DPYD: variants seen among roughly 807,000 people sequenced by gnomAD.
The protein encoded by DPYD is dihydropyrimidine dehydrogenase, also known as dihydropyrimidine dehydrogenase [NADP(+)].
Under a neutral mutation model 116.2 loss-of-function variants are expected in DPYD, and 109 were observed. The ratio of observed to expected loss-of-function variants is 0.94; its 90% CI spans 0.80 to 1.10. DPYD has a LOEUF of 1.10. Ranked by LOEUF, DPYD falls within the 50% of genes least tolerant of loss-of-function variation. DPYD has a pLI of 0.00. For missense variants in DPYD, 1,302 were observed against 1,254.5 expected (o/e 1.04, Z -0.57); for synonymous variants, 440 against 432.0 (o/e 1.02, Z -0.23).
intron 20 of DPYD, among the ~76,000 whole-genome samples, chr1:97,116,206 C>A (rs61788541): frequency 6.6e-6 from 1 of 151,804 alleles, no homozygotes; most frequent in African/African-American, 2.4e-5. Context: ...TAACTTAAAC[C>A]AATGTTTGCT....
Position 97,305,244 on chromosome 1 carries a change from G to A in DPYD, c.2299+15C>T, listed in dbSNP as rs768939406. On this transcript the variant is annotated intron_variant, in intron 18 of 22. Transcript: ENST00000370192. ...CCTCCAAGAAAGCACAATGCAAGAAGTGGGCAACACCTACCAGACACTCCT... is the reference window on the plus strand; with the variant it reads ...CCTCCAAGAAAGCACAATGCAAGAAATGGGCAACACCTACCAGACACTCCT... 1.2e-5 allele frequency: 20 copies of A among 1,611,986 alleles called. No individual in the cohort carries two copies. The South Asian group carries it at 2.1e-4, about 17-fold the overall frequency.
chr1:97,081,151 A>T (rs1038683049), intron 22 of DPYD, among the ~76,000 whole-genome samples: 1 of 151,880 alleles, frequency 6.6e-6, no homozygotes, highest in Non-Finnish European at 1.5e-5. Context: ...TTTTTTTTTA[A>T]ATTAAAATAT....
intron 12 of DPYD, among the ~76,000 whole-genome samples, chr1:97,530,151 T>C (rs542623630): frequency 1.3e-5 from 2 of 151,976 alleles, no homozygotes; most frequent in Admixed American, 6.5e-5. Context: ...CAGTACAATT[T>C]CTTTCTTTTT....
intron 13 of DPYD, among the ~76,000 whole-genome samples, chr1:97,474,016 T>TA (rs35210810): frequency 0.61 from 80,917 of 131,812 alleles, 24,685 homozygotes; most frequent in East Asian, 0.76. Context: ...AAACTGTCTT[T>TA]AAAAAAAAAA....
chr1:97,823,917 A>G (rs1228826096), intron 3 of DPYD, among the ~76,000 whole-genome samples: 1 of 150,730 alleles, frequency 6.6e-6, no homozygotes, highest in Non-Finnish European at 1.5e-5. Flanking sequence ...ACAAGTAAAC[A>G]AACAAACAAA....
At chr1:97,098,759 C>T (rs1650451076) in intron 20 of DPYD, 127 bp from the exon 21 acceptor site, 14 of 1,106,954 alleles carry the variant, frequency 1.3e-5, no homozygotes, top group Non-Finnish European at 1.7e-5. Context: ...TATACTGTAA[C>T]TAGGTCTTCA....
intron 10 of DPYD, among the ~76,000 whole-genome samples, chr1:97,584,000 A>G (rs1171830168): frequency 1.3e-5 from 2 of 152,200 alleles, no homozygotes; most frequent in Non-Finnish European, 2.9e-5. Context: ...CTGACTTTCC[A>G]CAATGGTTGA....
chr1:97,204,995 T>C (rs544786224), intron 19 of DPYD, among the ~76,000 whole-genome samples: 2 of 152,132 alleles, frequency 1.3e-5, no homozygotes, highest in Non-Finnish European at 2.9e-5. Context: ...AAATAATTAA[T>C]AGACTTTGCT....
chr1:97,246,889 A>G (rs2100794052), intron 18 of DPYD, among the ~76,000 whole-genome samples: 1 of 152,306 alleles, frequency 6.6e-6, no homozygotes, highest in East Asian at 1.9e-4. Context: ...AATTATTAAT[A>G]AATTAATAAA....
intron 18 of DPYD, among the ~76,000 whole-genome samples, chr1:97,276,764 T>C (rs984295883): frequency 6.6e-6 from 1 of 151,768 alleles, no homozygotes; most frequent in Admixed American, 6.6e-5. Context: ...GGTGAGAATG[T>C]AAATTAGTTC....
At chr1:97,635,507 T>G (rs781095584) in intron 8 of DPYD, among the ~76,000 whole-genome samples, 2 of 152,186 alleles carry the variant, frequency 1.3e-5, no homozygotes, top group African/African-American at 4.8e-5. Context: ...ACCACCAGTG[T>G]GGTTCTTGCC....
chr1:97,225,694 T>G (rs1358849082), intron 19 of DPYD, among the ~76,000 whole-genome samples: 2 of 152,112 alleles, frequency 1.3e-5, no homozygotes, highest in East Asian at 3.9e-4. Context: ...GATTGCTTCC[T>G]TTTTTGTATA....
At chr1:97,733,532 A>G (rs962612398) in intron 4 of DPYD, among the ~76,000 whole-genome samples, 8 of 152,004 alleles carry the variant, frequency 5.3e-5, no homozygotes, top group Non-Finnish European at 8.8e-5. Context: ...AGACCAATAA[A>G]TATAAAATGC....
chr1:97,812,652 A>G (rs1668394402), intron 3 of DPYD, among the ~76,000 whole-genome samples: 1 of 152,112 alleles, frequency 6.6e-6, no homozygotes, highest in Non-Finnish European at 1.5e-5. Context: ...ATTATTTGGC[A>G]TTTTAAAAAA....
intron 1 of DPYD, among the ~76,000 whole-genome samples, chr1:97,901,365 C>A (rs892633330): frequency 8.6e-5 from 13 of 151,750 alleles, no homozygotes; most frequent in African/African-American, 3.1e-4. Context: ...GAAACAAGAC[C>A]TGAAATAAGT....
intron 13 of DPYD, among the ~76,000 whole-genome samples, chr1:97,493,990 C>T (rs74667225): frequency 2.6e-5 from 4 of 152,024 alleles, no homozygotes; most frequent in Non-Finnish European, 4.4e-5. Context: ...GAGAGGAATT[C>T]GAAATTATTA....
chr1:97,228,404 A>G (rs1300527198), intron 19 of DPYD, among the ~76,000 whole-genome samples: 3 of 152,266 alleles, frequency 2.0e-5, no homozygotes, highest in Non-Finnish European at 2.9e-5. Context: ...TTTGGAACAG[A>G]TTTTGAAATT....
chr1:97,669,136 C>G (rs987369730), intron 8 of DPYD, among the ~76,000 whole-genome samples: 1 of 152,084 alleles, frequency 6.6e-6, no homozygotes, highest in Non-Finnish European at 1.5e-5. Context: ...AATGTTCTTT[C>G]CATCTGCACA....
At chr1:97,537,889 A>G (rs886404740) in intron 12 of DPYD, among the ~76,000 whole-genome samples, 3 of 152,192 alleles carry the variant, frequency 2.0e-5, no homozygotes, top group African/African-American at 7.2e-5. Flanking sequence ...TCACTTTTTA[A>G]AAGTTCAGGA....
Sources: allele counts gnomAD v4.1 joint callset (sites outside exome capture counted in the v4.1 genomes callset), GRCh38; gene constraint gnomAD v4.1.1; transcripts MANE v1.5; gene names NCBI Gene and HGNC (gene_info 2026-07-23, HGNC 2026-07-21).